WDR47: variants seen among roughly 807,000 people sequenced by gnomAD.
The protein encoded by WDR47 is WD repeat-containing protein 47.
Under a neutral mutation model 97.2 loss-of-function variants are expected in WDR47, and 32 were observed. The ratio of observed to expected loss-of-function variants is 0.33; its 90% CI spans 0.25 to 0.44. The LOEUF is 0.44. Among genes scored for constraint, WDR47 ranks in the 20% least tolerant of loss-of-function variants. The pLI, the probability that WDR47 is intolerant of heterozygous loss-of-function variation, is 1.00. For missense variants in WDR47, 782 were observed against 1,102.3 expected (o/e 0.71, Z 4.11); for synonymous variants, 375 against 373.5 (o/e 1.00, Z -0.05).
chr1:109,023,948 A>C (rs577632094), intron 1 of WDR47, among the ~76,000 whole-genome samples: 1 of 152,334 alleles, frequency 6.6e-6, no homozygotes, highest in African/African-American at 2.4e-5. Context: ...ATTAATAACC[A>C]AACCATGTTT....
chr1:109,039,003 A>C (rs114069521), intron 1 of WDR47, among the ~76,000 whole-genome samples: 3,906 of 151,976 alleles, frequency 0.026, 63 homozygotes, highest in Non-Finnish European at 0.041. Flanking sequence ...ATAATAAATA[A>C]ATAAATAAAT....
At chr1:109,041,109 C>T (rs1258506569) in intron 1 of WDR47, among the ~76,000 whole-genome samples, 1 of 152,090 alleles carries the variant, frequency 6.6e-6, no homozygotes, top group Non-Finnish European at 1.5e-5. Context: ...CCAAATGCCG[C>T]CCCGGCCTAC....
At chr1:108,992,124 T>C (rs1659392859) in intron 8 of WDR47, among the ~76,000 whole-genome samples, 1 of 152,088 alleles carries the variant, frequency 6.6e-6, no homozygotes, top group Non-Finnish European at 1.5e-5. Context: ...ATTTAAATCC[T>C]TAGATATAAG....
chr1:109,029,684 TAA>T (rs1273678258), intron 1 of WDR47, among the ~76,000 whole-genome samples: 1 of 132,472 alleles, frequency 7.5e-6, no homozygotes, highest in Non-Finnish European at 1.6e-5. Context: ...AATAAATAAA[TAA>T]ATAAATAAAT....
At position 109,023,591 on chromosome 1, in the gene WDR47, C is replaced by G. The variant is rs868728434; in HGVS notation, c.-9-70G>C. 1.4e-5 allele frequency: 21 copies of G among 1,456,436 alleles called. No homozygotes were observed. In the South Asian group the frequency reaches 1.6e-4, roughly 11 times the overall value. The allele number at this position is 1,456,436 out of a possible 1,614,324, so 90.2% of individuals were successfully genotyped here. A position where few individuals can be genotyped will look rare whatever the true frequency, so the allele number is the denominator to read the frequency against. Reference sequence around the variant, plus strand: ...ATTTCTAAGTTTAACTGCCTGGCAACTACACATAACAGGTTTACTGGGAAT... The same window carrying G: ...ATTTCTAAGTTTAACTGCCTGGCAAGTACACATAACAGGTTTACTGGGAAT... On this transcript the variant is annotated intron_variant, in intron 1 of 14. Coordinates refer to ENST00000369962, the MANE Select transcript of WDR47 (RefSeq NM_001142551.2).
intron 11 of WDR47, 109 bp from the exon 12 acceptor site, chr1:108,982,888 T>C (rs1179054806): frequency 5.7e-6 from 7 of 1,231,470 alleles, no homozygotes; most frequent in Non-Finnish European, 7.7e-6. Context: ...TTTAGAAATA[T>C]GGTTTGTATT....
In WDR47 at chr1:108,984,424, T is replaced by G. The variant is rs56392049; in HGVS notation, c.1926-973A>C. Among the ~76,000 whole-genome samples, 446 of 152,118 alleles carry G rather than the reference T, an allele frequency of 2.9e-3. 3 individuals carry two copies. The highest frequency in any genetic ancestry group is 9.8e-3 in the African/African-American group (406 of 41,498). ...TCTAAGATTTAAATACTTTAGCAAA[T>G]GAACAAAAAAAGATGAATGAAGCAA... is the stretch of plus-strand genomic sequence containing the variant. On this transcript the variant is annotated intron_variant, in intron 10 of 14. Transcript: ENST00000369962.
Position 109,004,713 on chromosome 1 carries a change from T to C in WDR47, c.1133A>G (p.Asp378Gly). 1 of 1,591,938 alleles carries C rather than the reference T, an allele frequency of 6.3e-7. No individual in the cohort carries two copies. The highest frequency in any genetic ancestry group is 8.5e-7 in the Non-Finnish European group (1 of 1,170,694). The change falls in exon 6 of 15, where the codon GAT (aspartate) becomes GGT (glycine). Residue 378 changes from aspartate (D) to glycine (G), a missense_variant and splice_region_variant. By Grantham distance (94) the Asp-to-Gly change is moderately conservative. Transcript: ENST00000369962. ...HSIYEESPER[D>G]TPVDAQRPIG... ...AGGCCTCTGTGCATCAACAGGTGTA[T>C]CACTTCTTCCAGAAACGTGCAAAAA...
chr1:109,010,852 G>A, intron 5 of WDR47, 64 bp downstream of exon 5: 4 of 1,495,354 alleles, frequency 2.7e-6, no homozygotes, highest in Non-Finnish European at 3.6e-6. Context: ...AAAGTGCTGG[G>A]ATTACAGGCA....
rs1657368353 is a variant in WDR47, at chr1:108,970,407, A to C, written c.*1023T>G. The C allele has an allele frequency of 6.5e-6, 1 of 152,682 alleles. No individual in the cohort carries two copies. Among genetic ancestry groups the C allele is most frequent in the African/African-American group, 2.4e-5 (1 of 41,476 alleles). 9.5% of individuals were successfully genotyped at this position (152,682 alleles called of 1,614,324 possible). On this transcript the variant is annotated 3_prime_UTR_variant, in exon 15 of 15. Transcript: ENST00000369962. ...ATAATTTAAAGTAAAATTACTGTAC[A>C]ATATGAAAATAAAGATACATAAATG...
At chr1:109,013,286 C>T in intron 4 of WDR47, among the ~76,000 whole-genome samples, 1 of 152,120 alleles carries the variant, frequency 6.6e-6, no homozygotes, top group East Asian at 1.9e-4. Flanking sequence ...TTTGTTATAG[C>T]AGGTCAAATG....
At chr1:109,004,780 G>C in intron 5 of WDR47, 65 bp from the exon 6 acceptor site, 1 of 1,499,588 alleles carries the variant, frequency 6.7e-7, no homozygotes, top group Non-Finnish European at 8.9e-7. Context: ...ATATATTTTA[G>C]TTAGAGAAAT....
At chr1:109,025,759 T>C (rs1164112287) in intron 1 of WDR47, among the ~76,000 whole-genome samples, 2 of 150,842 alleles carry the variant, frequency 1.3e-5, no homozygotes, top group African/African-American at 2.4e-5. Flanking sequence ...AACTAACAAA[T>C]AAAAAAAAGT....
At chr1:109,014,330 T>C (rs1189275913) in intron 3 of WDR47, among the ~76,000 whole-genome samples, 1 of 152,172 alleles carries the variant, frequency 6.6e-6, no homozygotes, top group African/African-American at 2.4e-5. Flanking sequence ...TATTTTCTTT[T>C]TAAATATGAG....
chr1:109,038,642 G>A (rs1663125541), intron 1 of WDR47, among the ~76,000 whole-genome samples: 1 of 151,532 alleles, frequency 6.6e-6, no homozygotes. Context: ...TCATGCCACT[G>A]TACTGCAGCC....
chr1:109,022,448 G>A (rs940467878), intron 2 of WDR47, among the ~76,000 whole-genome samples: 9 of 137,356 alleles, frequency 6.6e-5, no homozygotes, highest in South Asian at 2.4e-4. Flanking sequence ...TTCAAAGTCC[G>A]ATTTTCTTAG....
intron 9 of WDR47, among the ~76,000 whole-genome samples, chr1:108,988,012 T>TG: frequency 6.6e-6 from 1 of 151,250 alleles, no homozygotes; most frequent in South Asian, 2.1e-4. Context: ...GAGTTGGGCA[T>TG]ATTGCTTGAG....
chr1:109,034,821 G>A (rs955683010), intron 1 of WDR47, among the ~76,000 whole-genome samples: 4 of 152,094 alleles, frequency 2.6e-5, no homozygotes, highest in African/African-American at 7.2e-5. Flanking sequence ...ACACAGTGAC[G>A]TATATCTATA....
chr1:108,988,912 C>T (rs1659082860), intron 9 of WDR47, among the ~76,000 whole-genome samples: 1 of 152,034 alleles, frequency 6.6e-6, no homozygotes, highest in Admixed American at 6.6e-5. Context: ...CATGCACCAC[C>T]ACACCCGGCT....
Sources: gnomAD v4.1 joint callset for allele counts (sites outside exome capture counted in the v4.1 genomes callset) on GRCh38, gnomAD v4.1.1 for gene constraint, MANE v1.5 for transcripts, NCBI Gene and HGNC (gene_info 2026-07-23, HGNC 2026-07-21) for gene names.